MNAT1: variants seen among roughly 807,000 people sequenced by gnomAD.
The protein encoded by MNAT1 is MNAT1 component of CDK activating kinase.
MNAT1 carries 43 observed loss-of-function variants against 42.0 expected under a neutral mutation model. That is an observed-to-expected ratio of 1.02 (90% CI 0.80 to 1.32). The LOEUF is 1.32. Ranked by LOEUF, MNAT1 falls within the 40% of genes most tolerant of loss-of-function variation. MNAT1 has a pLI of 0.00. For synonymous variants in MNAT1, 118 were observed against 120.0 expected (o/e 0.98, Z 0.11); for missense variants, 306 against 350.4 (o/e 0.87, Z 1.01).
intron 7 of MNAT1, among the ~76,000 whole-genome samples, chr14:60,889,100 T>C (rs1440161890): frequency 6.6e-6 from 1 of 151,746 alleles, no homozygotes; most frequent in African/African-American, 2.4e-5. Flanking sequence ...AAAAACTTAC[T>C]TTAAAGTTCA....
intron 6 of MNAT1, among the ~76,000 whole-genome samples, chr14:60,875,818 A>G (rs2034424899): frequency 6.6e-6 from 1 of 152,032 alleles, no homozygotes; most frequent in Non-Finnish European, 1.5e-5. Context: ...TTACTTAAGA[A>G]AGCTTGTCTT....
At chr14:60,863,187 A>C (rs960246220) in intron 6 of MNAT1, among the ~76,000 whole-genome samples, 5 of 152,140 alleles carry the variant, frequency 3.3e-5, no homozygotes, top group Non-Finnish European at 5.9e-5. Context: ...GAATGTGGAG[A>C]GGCTGTAAGA....
intron 6 of MNAT1, among the ~76,000 whole-genome samples, chr14:60,868,993 G>A (rs890891143): frequency 7.0e-6 from 1 of 143,018 alleles, no homozygotes; most frequent in Non-Finnish European, 1.5e-5. Context: ...TACATCACAT[G>A]ACAACTTTTT....
chr14:60,934,570 C>T lies in MNAT1; in HGVS notation c.810-33659C>T, dbSNP rs530379919. ...TTTTAAAAAAGGGAGTTTTCCTGCA[C>T]AAGCTGTCTTCTCTTGTCTGCCGCC... is the stretch of plus-strand genomic sequence containing the variant. On this transcript the variant is annotated intron_variant, in intron 7 of 7. Coordinates refer to ENST00000261245, the MANE Select transcript of MNAT1 (RefSeq NM_002431.4). Among the ~76,000 whole-genome samples the T allele has an allele frequency of 2.6e-5, 4 of 152,294 alleles. No individual in the cohort carries two copies. The East Asian group carries it at 7.7e-4, about 29-fold the overall frequency.
At chr14:60,943,049 TGC>T (rs1481695295) in intron 7 of MNAT1, among the ~76,000 whole-genome samples, 5 of 68,284 alleles carry the variant, frequency 7.3e-5, no homozygotes, top group East Asian at 3.8e-4. Flanking sequence ...TGTGTGTGTG[TGC>T]GCTTTTTTTT....
intron 7 of MNAT1, among the ~76,000 whole-genome samples, chr14:60,918,708 A>G (rs892969381): frequency 3.4e-5 from 5 of 147,838 alleles, no homozygotes; most frequent in Non-Finnish European, 5.9e-5. Context: ...AATGAAATCT[A>G]TCTTGTTTAA....
intron 3 of MNAT1, chr14:60,799,421 C>G (rs1566770690): frequency 3.0e-6 from 3 of 983,734 alleles, no homozygotes; most frequent in Non-Finnish European, 3.6e-6. Context: ...TATATAGATA[C>G]TAAGTATAGG....
intron 7 of MNAT1, among the ~76,000 whole-genome samples, chr14:60,894,950 G>A (rs1387754032): frequency 1.3e-5 from 2 of 152,176 alleles, no homozygotes; most frequent in Non-Finnish European, 1.5e-5. Flanking sequence ...TAGATAATTA[G>A]TAGTGATATC....
At chr14:60,961,253 C>G (rs564906721) in intron 7 of MNAT1, among the ~76,000 whole-genome samples, 10 of 152,328 alleles carry the variant, frequency 6.6e-5, no homozygotes, top group African/African-American at 2.4e-4. Context: ...TGAGCCACCG[C>G]GCCCGGCCAT....
chr14:60,780,423 G>T (rs2031415527), intron 1 of MNAT1: 1 of 1,563,222 alleles, frequency 6.4e-7, no homozygotes, highest in Non-Finnish European at 8.8e-7. Flanking sequence ...GAAGTTTCTT[G>T]TTCATTTGAT....
intron 7 of MNAT1, among the ~76,000 whole-genome samples, chr14:60,912,150 CT>C (rs1403306629): frequency 6.6e-6 from 1 of 151,992 alleles, no homozygotes; most frequent in Non-Finnish European, 1.5e-5. Context: ...CAACCCCTGC[CT>C]TTTTTTGTTT....
chr14:60,754,819 G>A (rs1003126740), intron 1 of MNAT1, among the ~76,000 whole-genome samples: 1 of 152,104 alleles, frequency 6.6e-6, no homozygotes, highest in Non-Finnish European at 1.5e-5. Flanking sequence ...ATAATTTAGT[G>A]TTTTTAGTGA....
chr14:60,734,803 GC>G lies in MNAT1; in HGVS notation c.-59del, dbSNP rs1054917517. The G allele has an allele frequency of 1.3e-6, 2 of 1,522,608 alleles. No homozygotes were observed. 94.3% of individuals were successfully genotyped at this position (1,522,608 alleles called of 1,614,324 possible). On this transcript the variant is annotated 5_prime_UTR_variant, in exon 1 of 8. Transcript: ENST00000261245. The surrounding 1 kb of genome is among the most constrained non-coding windows in gnomAD (Gnocchi z 4.3). Reference sequence around the variant, plus strand: ...AACCTGCTTGGTCGCGTCTGAGGGGGCTTGTAGGTGGCTCTGGCTGAAACAG... The same window carrying G: ...AACCTGCTTGGTCGCGTCTGAGGGGGTTGTAGGTGGCTCTGGCTGAAACAG...
intron 1 of MNAT1, among the ~76,000 whole-genome samples, chr14:60,755,144 G>A (rs2030282821): frequency 6.6e-6 from 1 of 151,878 alleles, no homozygotes; most frequent in Non-Finnish European, 1.5e-5. Context: ...GACTATAGGT[G>A]TGTGCCACCA....
rs891403703 is a variant in MNAT1 at position 60,969,309 on chromosome 14, C to T, written c.*960C>T. 6.6e-6 allele frequency: 1 copy of T among 152,098 alleles called. No homozygotes were observed. The highest frequency in any genetic ancestry group is 2.4e-5 in the African/African-American group (1 of 41,438). 9.4% of individuals were successfully genotyped at this position (152,098 alleles called of 1,614,324 possible). A position where few individuals can be genotyped will look rare whatever the true frequency, so the allele number is the denominator to read the frequency against. ...GAGCATTGGATATGGGATATAGTTT[C>T]TTAAGGAAATTAAGGGATTTCCTAT... On this transcript the variant is annotated 3_prime_UTR_variant, in exon 8 of 8. Transcript: ENST00000261245.
intron 1 of MNAT1, among the ~76,000 whole-genome samples, chr14:60,743,916 G>A (rs1029790072): frequency 7.2e-5 from 11 of 151,910 alleles, no homozygotes; most frequent in Admixed American, 5.2e-4. Context: ...TGTTTTGGTC[G>A]TAGAGTTTTC....
intron 5 of MNAT1, among the ~76,000 whole-genome samples, chr14:60,814,601 A>G (rs1455301859): frequency 6.6e-6 from 1 of 152,148 alleles, no homozygotes; most frequent in East Asian, 1.9e-4. Context: ...GCTTTTGCCA[A>G]AAAAGCATTT....
intron 7 of MNAT1, among the ~76,000 whole-genome samples, chr14:60,904,170 C>G (rs1420885063): frequency 2.0e-5 from 3 of 152,098 alleles, no homozygotes; most frequent in African/African-American, 4.8e-5. Context: ...TGTGCCCGAC[C>G]TTAAGTTTAT....
At chr14:60,935,772 T>A (rs2035981812) in intron 7 of MNAT1, among the ~76,000 whole-genome samples, 2 of 152,168 alleles carry the variant, frequency 1.3e-5, no homozygotes, top group Non-Finnish European at 2.9e-5. Context: ...GCTGCTTTTT[T>A]CAAACATATA....
Sources: allele counts gnomAD v4.1 joint callset (sites outside exome capture counted in the v4.1 genomes callset), GRCh38; gene constraint gnomAD v4.1.1; non-coding constraint Gnocchi (gnomAD v3.1); transcripts MANE v1.5; gene names NCBI Gene and HGNC (gene_info 2026-07-23, HGNC 2026-07-21).